Variants in HSD17B3 observed in about 807,000 individuals in gnomAD.
HSD17B3 encodes the protein hydroxysteroid 17-beta dehydrogenase 3, also known as 17-beta-hydroxysteroid dehydrogenase type 3.
A neutral mutation model predicts 41.1 loss-of-function variants in HSD17B3; 29 were observed. The ratio of observed to expected loss-of-function variants is 0.71; its 90% CI spans 0.53 to 0.96. The LOEUF (loss-of-function observed/expected upper bound fraction) is 0.96, where lower values mean the gene tolerates loss of function less well. HSD17B3 is among the 40% of genes least tolerant of loss of function. The pLI, the probability that HSD17B3 is intolerant of heterozygous loss-of-function variation, is 0.00. For missense variants in HSD17B3, 323 were observed against 374.6 expected, an observed-to-expected ratio of 0.86 and a Z score of 1.14; for synonymous variants, 126 against 145.6, an observed-to-expected ratio of 0.87 and a Z score of 0.97.
chr9:96,262,377 G>C (rs1825895246), intron 2 of HSD17B3, among the ~76,000 whole-genome samples: 1 of 151,436 alleles, frequency 6.6e-6, no homozygotes, highest in South Asian at 2.1e-4. Flanking sequence ...CCTAGTAGCT[G>C]GGATTACAGG....
At chr9:96,274,155 T>C (rs1425162919) in intron 2 of HSD17B3, among the ~76,000 whole-genome samples, 1 of 152,076 alleles carries the variant, frequency 6.6e-6, no homozygotes, top group Non-Finnish European at 1.5e-5. Context: ...AGAAGACAAA[T>C]AGGCTGGGCA....
intron 2 of HSD17B3, among the ~76,000 whole-genome samples, chr9:96,268,486 A>G (rs1291595364): frequency 6.6e-6 from 1 of 152,224 alleles, no homozygotes; most frequent in Non-Finnish European, 1.5e-5. Context: ...AATAATAACA[A>G]GATGATAATG....
In HSD17B3 at chr9:96,280,744, G is replaced by A. The variant is rs184414269; in HGVS notation, c.201+17672C>T. 2.7e-3 allele frequency among the ~76,000 whole-genome samples: 410 copies of A among 152,236 alleles called. 1 individual carries two copies. Among genetic ancestry groups the A allele is most frequent in the Non-Finnish European group, 4.9e-3 (336 of 68,014 alleles). ...TCTATGTCACAGGGTGAGGTAAGAGGTCAACACAAAATACAGGTCATAAAG... is the reference window on the plus strand; with the variant it reads ...TCTATGTCACAGGGTGAGGTAAGAGATCAACACAAAATACAGGTCATAAAG... On this transcript the variant is annotated intron_variant, in intron 2 of 10. Coordinates refer to ENST00000375263, the MANE Select transcript of HSD17B3 (RefSeq NM_000197.2).
At chr9:96,290,020 G>A (rs1394566520) in intron 2 of HSD17B3, among the ~76,000 whole-genome samples, 1 of 152,032 alleles carries the variant, frequency 6.6e-6, no homozygotes, top group Non-Finnish European at 1.5e-5. Flanking sequence ...GGAAAAACAG[G>A]GCTTCCTCTG....
At chr9:96,246,439 G>A in intron 7 of HSD17B3, 117 bp downstream of exon 7, 1 of 878,248 alleles carries the variant, frequency 1.1e-6, no homozygotes, top group Non-Finnish European at 1.9e-6. Flanking sequence ...TTTCATCATA[G>A]CTGTTATCGT....
intron 6 of HSD17B3, among the ~76,000 whole-genome samples, chr9:96,247,500 C>CA (rs1318645046): frequency 6.6e-6 from 1 of 152,212 alleles, no homozygotes; most frequent in Non-Finnish European, 1.5e-5. Flanking sequence ...TCAGAGCCTC[C>CA]AGGGAATGTC....
At chr9:96,275,098 A>G (rs1321394754) in intron 2 of HSD17B3, among the ~76,000 whole-genome samples, 1 of 152,142 alleles carries the variant, frequency 6.6e-6, no homozygotes, top group East Asian at 1.9e-4. Flanking sequence ...GAAAGGAAAA[A>G]AAAAAGCTGT....
At chr9:96,246,458 G>A in intron 7 of HSD17B3, 98 bp downstream of exon 7, 1 of 1,056,844 alleles carries the variant, frequency 9.5e-7, no homozygotes, top group Non-Finnish European at 1.5e-6. Context: ...GTTTGTTAAA[G>A]CACAGCCAGA....
Position 96,298,761 on chromosome 9 carries a change from C to T in HSD17B3, c.155-299G>A, listed in dbSNP as rs8190501. Among the ~76,000 whole-genome samples, 2,340 of 152,126 alleles carry T rather than the reference C, an allele frequency of 0.015. 192 individuals are homozygous for T. The East Asian group carries it at 0.25, about 16-fold the overall frequency. ...AACATGTTCCAAAATGAAACAGATC[C>T]GCAGCCAGGGAACATTTCCTGCAGG... On this transcript the variant is annotated intron_variant, in intron 1 of 10. Transcript: ENST00000375263.
chr9:96,290,456 C>CTTTTTTT (rs61373611), intron 2 of HSD17B3, among the ~76,000 whole-genome samples: 1 of 78,414 alleles, frequency 1.3e-5, no homozygotes, highest in Non-Finnish European at 2.2e-5. Context: ...ATTTCCTGGG[C>CTTTTTTT]TTTTTTTTTT....
rs147940285 is a variant in HSD17B3 at position 96,291,402 on chromosome 9, C to T, written c.201+7014G>A. ...AGCTCTCCACAAGTGGAGAATTGAG[C>T]CCCCACTCCACCTGGTAGAAACTAG... On this transcript the variant is annotated intron_variant, in intron 2 of 10. Coordinates refer to ENST00000375263, the MANE Select transcript of HSD17B3 (RefSeq NM_000197.2). Among the ~76,000 whole-genome samples the T allele has an allele frequency of 1.9e-3, 239 of 123,360 alleles. 1 individual carries two copies. The highest frequency in any genetic ancestry group is 7.2e-3 in the African/African-American group (227 of 31,614). The allele number at this position is 123,360 out of a possible 152,430, so 80.9% of individuals were successfully genotyped here. A position where few individuals can be genotyped will look rare whatever the true frequency, so the allele number is the denominator to read the frequency against.
Position 96,235,389 on chromosome 9 carries a change from G to A in HSD17B3, c.*71C>T. On this transcript the variant is annotated 3_prime_UTR_variant, in exon 11 of 11. Coordinates refer to ENST00000375263, the MANE Select transcript of HSD17B3 (RefSeq NM_000197.2). ...GCGGACTAGGTTGAAGTGCTGGTCTGCTCCTCTGGTCCTCTTCAGCCAGCA... is the reference window on the plus strand; with the variant it reads ...GCGGACTAGGTTGAAGTGCTGGTCTACTCCTCTGGTCCTCTTCAGCCAGCA... The A allele has an allele frequency of 9.7e-7, 1 of 1,036,074 alleles. No individual in the cohort carries two copies. The highest frequency in any genetic ancestry group is 1.5e-6 in the Non-Finnish European group (1 of 671,458). The allele number at this position is 1,036,074 out of a possible 1,614,324, so 64.2% of individuals were successfully genotyped here. A position where few individuals can be genotyped will look rare whatever the true frequency, so the allele number is the denominator to read the frequency against.
intron 2 of HSD17B3, 25 bp from the exon 3 acceptor site, chr9:96,254,968 G>A: frequency 1.2e-6 from 2 of 1,603,788 alleles, no homozygotes; most frequent in African/African-American, 1.3e-5. Context: ...GAAAAACCAA[G>A]AGACAAGGAT....
intron 5 of HSD17B3, among the ~76,000 whole-genome samples, chr9:96,250,746 G>A (rs1396967989): frequency 1.3e-5 from 2 of 151,952 alleles, no homozygotes; most frequent in African/African-American, 4.8e-5. Context: ...AAATTAGCTG[G>A]GCGTGGTGGC....
At chr9:96,279,378 AG>A (rs1826597945) in intron 2 of HSD17B3, among the ~76,000 whole-genome samples, 1 of 152,200 alleles carries the variant, frequency 6.6e-6, no homozygotes, top group African/African-American at 2.4e-5. Context: ...TACAGGTCAT[AG>A]GTGGATTCAA....
At chr9:96,289,201 GTGTGTGTGTGTGTGTGTGTA>G (rs1324693660) in intron 2 of HSD17B3, among the ~76,000 whole-genome samples, 3 of 48,510 alleles carry the variant, frequency 6.2e-5, no homozygotes, top group Non-Finnish European at 1.2e-4. Flanking sequence ...TGGTGTGTGT[GTGTGTGTGTGTGTGTGTGTA>G]TGTGTGTGTG....
chr9:96,286,638 C>T (rs1826929894), intron 2 of HSD17B3, among the ~76,000 whole-genome samples: 1 of 150,458 alleles, frequency 6.6e-6, no homozygotes, highest in African/African-American at 2.5e-5. Context: ...TGCAGTGAGC[C>T]AAGACTGTGC....
chr9:96,268,243 A>G (rs1209120112), intron 2 of HSD17B3, among the ~76,000 whole-genome samples: 1 of 152,126 alleles, frequency 6.6e-6, no homozygotes, highest in East Asian at 1.9e-4. Context: ...ATTTTCTGAA[A>G]TGGTTCTTGA....
intron 2 of HSD17B3, among the ~76,000 whole-genome samples, chr9:96,281,008 A>T (rs910331727): frequency 7.2e-5 from 11 of 152,144 alleles, no homozygotes; most frequent in African/African-American, 2.2e-4. Context: ...GGGCAACCCG[A>T]GGGCTGCTCT....
Sources: allele counts gnomAD v4.1 joint callset (sites outside exome capture counted in the v4.1 genomes callset), GRCh38; gene constraint gnomAD v4.1.1; transcripts MANE v1.5; gene names NCBI Gene and HGNC (gene_info 2026-07-23, HGNC 2026-07-21).